The following MCF2L2 variants were observed in gnomAD, a reference collection of about 807,000 sequenced individuals.
MCF2L2 encodes the protein probable guanine nucleotide exchange factor MCF2L2.
Under a neutral mutation model 150.2 loss-of-function variants are expected in MCF2L2, and 102 were observed. The ratio of observed to expected loss-of-function variants is 0.68; its 90% CI spans 0.58 to 0.80. The LOEUF (loss-of-function observed/expected upper bound fraction) is 0.80, where lower values mean the gene tolerates loss of function less well. Ranked by LOEUF, MCF2L2 falls within the 30% of genes least tolerant of loss-of-function variation. MCF2L2 has a pLI of 0.00. For synonymous variants in MCF2L2, 465 were observed against 491.3 expected, an observed-to-expected ratio of 0.95 and a Z score of 0.71; for missense variants, 1,256 against 1,372.8, an observed-to-expected ratio of 0.91 and a Z score of 1.34.
intron 1 of MCF2L2, among the ~76,000 whole-genome samples, chr3:183,427,174 G>T (rs1366830933): frequency 6.6e-6 from 1 of 152,200 alleles, no homozygotes; most frequent in Non-Finnish European, 1.5e-5. Flanking sequence ...AGGCCAAGGG[G>T]AAGAAAGTGC....
At chr3:183,228,413 G>T in intron 17 of MCF2L2, 47 bp from the exon 18 acceptor site, 2 of 1,337,796 alleles carry the variant, frequency 1.5e-6, no homozygotes, top group Non-Finnish European at 2.1e-6. Flanking sequence ...ATTTTGACAT[G>T]TAGGTAATTA....
At chr3:183,334,282 G>C (rs1221540138) in intron 5 of MCF2L2, among the ~76,000 whole-genome samples, 1 of 152,130 alleles carries the variant, frequency 6.6e-6, no homozygotes, top group African/African-American at 2.4e-5. Flanking sequence ...AAGAGAGATT[G>C]GACTTTTTTG....
At chr3:183,298,193 A>T (rs1728637788) in intron 11 of MCF2L2, 1 of 152,302 alleles carries the variant, frequency 6.6e-6, no homozygotes, top group South Asian at 2.1e-4. Flanking sequence ...TTTAAAAAAG[A>T]CTCATTTTCT....
intron 7 of MCF2L2, among the ~76,000 whole-genome samples, chr3:183,313,768 G>C (rs1200007864): frequency 6.6e-6 from 1 of 152,186 alleles, no homozygotes; most frequent in East Asian, 1.9e-4. Context: ...CCCTTTCGGA[G>C]AGTCTCCTTT....
chr3:183,281,551 G>A (rs1055316765), intron 14 of MCF2L2, among the ~76,000 whole-genome samples: 1 of 152,008 alleles, frequency 6.6e-6, no homozygotes, highest in African/African-American at 2.4e-5. Flanking sequence ...TATTCCTTTG[G>A]AAAACTGGGC....
chr3:183,199,456 T>G (rs1431407416), intron 25 of MCF2L2, among the ~76,000 whole-genome samples: 1 of 152,120 alleles, frequency 6.6e-6, no homozygotes, highest in Non-Finnish European at 1.5e-5. Context: ...GGATAAAGCC[T>G]GCTTAAAGAT....
intron 1 of MCF2L2, among the ~76,000 whole-genome samples, chr3:183,407,537 T>G (rs1577131608): frequency 6.6e-6 from 1 of 152,228 alleles, no homozygotes; most frequent in African/African-American, 2.4e-5. Flanking sequence ...TATCACATAA[T>G]GCTCATTCTC....
At chr3:183,278,307 G>GTA (rs200642103) in intron 14 of MCF2L2, among the ~76,000 whole-genome samples, 8 of 150,626 alleles carry the variant, frequency 5.3e-5, no homozygotes, top group African/African-American at 2.0e-4. Context: ...GTGTGTGTGT[G>GTA]TTATGATGTA....
chr3:183,283,723 T>C lies in MCF2L2; in HGVS notation c.1776+5397A>G, dbSNP rs1727635216. On this transcript the variant is annotated intron_variant, in intron 14 of 29. Transcript: ENST00000328913. The surrounding 1 kb of genome is among the most constrained non-coding windows in gnomAD (Gnocchi z 4.2). ...TTTTAGTAGAGACGAGGTTTCACCA[T>C]GTTGGTCAGTCTGGTCTTGAACTCC... 6.6e-6 allele frequency among the ~76,000 whole-genome samples: 1 copy of C among 152,080 alleles called. No homozygotes were observed. Among genetic ancestry groups the C allele is most frequent in the Admixed American group, 6.6e-5 (1 of 15,252 alleles).
chr3:183,262,410 T>C (rs552634412), intron 15 of MCF2L2, among the ~76,000 whole-genome samples: 41 of 152,114 alleles, frequency 2.7e-4, no homozygotes, highest in African/African-American at 9.6e-4. Context: ...CCTGTCTTGG[T>C]TTACCGTTTT....
intron 1 of MCF2L2, among the ~76,000 whole-genome samples, chr3:183,395,778 T>C (rs933155988): frequency 2.0e-5 from 3 of 151,770 alleles, no homozygotes. Context: ...AATTAGCCAG[T>C]GTCGTGGCAC....
In MCF2L2 at chr3:183,351,252, A is replaced by C. The variant is rs1405487194; in HGVS notation, c.276-9622T>G. 1.8e-3 allele frequency among the ~76,000 whole-genome samples: 189 copies of C among 107,298 alleles called. 3 individuals are homozygous for C. The highest frequency in any genetic ancestry group is 7.6e-3 in the African/African-American group (180 of 23,742). 70.4% of individuals were successfully genotyped at this position (107,298 alleles called of 152,430 possible). On this transcript the variant is annotated intron_variant, in intron 3 of 29. Transcript: ENST00000328913. ...TATATATATATTTATTTATTTATTT[A>C]TCAGAACCCCAGGGCTCAAGCAATC... is the stretch of plus-strand genomic sequence containing the variant.
chr3:183,343,853 G>A (rs143421235), intron 3 of MCF2L2, among the ~76,000 whole-genome samples: 6 of 152,198 alleles, frequency 3.9e-5, no homozygotes, highest in East Asian at 1.9e-4. Flanking sequence ...CATGAAGAAC[G>A]GAATGCAGTA....
At position 183,270,281 on chromosome 3, in the gene MCF2L2, T is replaced by C; in HGVS notation, c.1862+6591A>G. The C allele has an allele frequency of 6.2e-7, 1 of 1,614,194 alleles. No individual in the cohort carries two copies. The highest frequency in any genetic ancestry group is 1.1e-5 in the South Asian group (1 of 91,082). On this transcript the variant is annotated intron_variant, in intron 15 of 29. Coordinates refer to ENST00000328913, the MANE Select transcript of MCF2L2 (RefSeq NM_015078.4). This position sits in a 1 kb window ranked among gnomAD's most constrained non-coding sequence, Gnocchi z 4.5. ...ACAATGATATAATTCAGCAAGACTT[T>C]GTTGATTCTTTCTACAATCTTACTC...
chr3:183,223,493 A>G, intron 19 of MCF2L2, 55 bp from the exon 20 acceptor site: 2 of 1,349,508 alleles, frequency 1.5e-6, no homozygotes, highest in South Asian at 2.3e-5. Flanking sequence ...CACACAGAAT[A>G]AAAGTGGCAG....
rs764732719 is a variant in MCF2L2 at position 183,180,083 on chromosome 3, GC to G, written c.3092del (p.Ser1031ThrfsTer4). 1.9e-6 allele frequency: 3 copies of G among 1,613,536 alleles called. No homozygotes were observed. The highest frequency in any genetic ancestry group is 1.7e-6 in the Non-Finnish European group (2 of 1,179,402). On this transcript the variant is annotated frameshift_variant, in exon 28 of 30. Transcript: ENST00000328913. LOFTEE classifies it high-confidence loss of function. Reference protein sequence around the residue: ...CEGAEDMEKESSALSLAGLFQ... With the variant: ...CEGAEDMEKEXSALSLAGLFQ... ...GGGAAGTAATTACACTCAGAGCACT[GC>G]TCTCCTTTTCCATGTCTTCTGCGCC...
intron 18 of MCF2L2, 61 bp from the exon 19 acceptor site, chr3:183,224,251 T>C (rs1723264152): frequency 1.9e-6 from 2 of 1,057,802 alleles, no homozygotes; most frequent in Non-Finnish European, 2.9e-6. Flanking sequence ...GTGGACAGGA[T>C]GATACAGTTT....
At chr3:183,186,026 A>T (rs1463715144) in intron 27 of MCF2L2, among the ~76,000 whole-genome samples, 1 of 152,010 alleles carries the variant, frequency 6.6e-6, no homozygotes, top group Non-Finnish European at 1.5e-5. Flanking sequence ...GCTGTAGGTC[A>T]AAGAAACTTT....
intron 15 of MCF2L2, among the ~76,000 whole-genome samples, chr3:183,275,472 C>G (rs575997282): frequency 7.9e-5 from 12 of 152,376 alleles, no homozygotes; most frequent in Non-Finnish European, 1.6e-4. Context: ...TTGATTAACT[C>G]AGTGGCTAAT....
Sources: gnomAD v4.1 joint callset for allele counts (sites outside exome capture counted in the v4.1 genomes callset) on GRCh38, gnomAD v4.1.1 for gene constraint, Gnocchi (gnomAD v3.1) non-coding constraint, MANE v1.5 for transcripts, NCBI Gene and HGNC (gene_info 2026-07-23, HGNC 2026-07-21) for gene names.